The following UBR4 variants were observed in gnomAD, a reference collection of about 807,000 sequenced individuals.
UBR4 encodes the protein E3 ubiquitin-protein ligase UBR4.
In UBR4, 124 loss-of-function variants were observed where a neutral mutation model predicts 575.6. That is an observed-to-expected ratio of 0.22 (90% CI 0.19 to 0.25). The LOEUF is 0.25. UBR4 is among the 10% of genes least tolerant of loss of function. UBR4 has a pLI of 1.00. For synonymous variants in UBR4, 2,455 were observed against 2,473.7 expected (o/e 0.99, Z 0.22); for missense variants, 4,818 against 6,478.8 (o/e 0.74, Z 8.80).
chr1:19,135,851 G>C (rs549356775), intron 60 of UBR4, among the ~76,000 whole-genome samples: 1 of 152,210 alleles, frequency 6.6e-6, no homozygotes, highest in East Asian at 1.9e-4. Flanking sequence ...ACACATCCAA[G>C]AGTCCCAAAG....
chr1:19,168,710 G>GC (rs1054914693), intron 27 of UBR4, among the ~76,000 whole-genome samples: 41 of 152,314 alleles, frequency 2.7e-4, no homozygotes, highest in Admixed American at 2.0e-3. Flanking sequence ...GGGCATGGTG[G>GC]CTCACGCCTG....
chr1:19,104,248 G>C lies in UBR4; in HGVS notation c.12737C>G (p.Ser4246Cys). 1.2e-6 allele frequency: 2 copies of C among 1,614,238 alleles called. No homozygotes were observed. Among genetic ancestry groups the C allele is most frequent in the South Asian group, 2.2e-5 (2 of 91,076 alleles). The change falls in exon 87 of 106, where the codon TCC becomes TGC. Residue 4246 changes from serine (S) to cysteine (C), a missense_variant. Around this residue, in one of 29 missense-constraint regions of UBR4, gnomAD observed 105 missense variants for 232.8 expected, o/e 0.45. Coordinates refer to ENST00000375254, the MANE Select transcript of UBR4 (RefSeq NM_020765.3). ...YALKSLTGLL[S>C]SFVEVESIKR... ...GATGGATTCCACCTCAACAAAGGAGGAGAGAAGGCCTGTGGAGACAGGAAA... is the reference window on the plus strand; with the variant it reads ...GATGGATTCCACCTCAACAAAGGAGCAGAGAAGGCCTGTGGAGACAGGAAA...
At chr1:19,204,432 A>T (rs2092903978) in intron 1 of UBR4, among the ~76,000 whole-genome samples, 1 of 151,952 alleles carries the variant, frequency 6.6e-6, no homozygotes, top group African/African-American at 2.4e-5. Context: ...CACTTTTTCC[A>T]GCTGAACAGG....
intron 25 of UBR4, among the ~76,000 whole-genome samples, chr1:19,171,173 T>A (rs770295983): frequency 1.3e-5 from 2 of 152,054 alleles, no homozygotes; most frequent in Non-Finnish European, 1.5e-5. Context: ...TGACAATGTA[T>A]ACAGTAAAGG....
chr1:19,081,630 A>G, intron 102 of UBR4, 57 bp from the exon 103 acceptor site: 1 of 1,586,568 alleles, frequency 6.3e-7, no homozygotes, highest in South Asian at 1.1e-5. Flanking sequence ...ACCCGGCAGC[A>G]AGAGCAGGAA....
intron 104 of UBR4, 78 bp from the exon 105 acceptor site, chr1:19,076,980 T>C: frequency 6.8e-7 from 1 of 1,463,784 alleles, no homozygotes; most frequent in African/African-American, 1.4e-5. Flanking sequence ...AGTCAGGCCA[T>C]TTCAACCCCT....
chr1:19,114,736 C>A, intron 75 of UBR4, 75 bp downstream of exon 75: 6 of 1,572,492 alleles, frequency 3.8e-6, no homozygotes, highest in Non-Finnish European at 5.2e-6. Context: ...AAGTAAAGTG[C>A]ACTGCACTGC....
chr1:19,176,556 G>A, intron 20 of UBR4, 36 bp downstream of exon 20: 1 of 1,604,046 alleles, frequency 6.2e-7, no homozygotes, highest in South Asian at 1.1e-5. Flanking sequence ...ATGAGAATCA[G>A]TAAGTCAGTT....
chr1:19,137,312 A>C (rs545191116), intron 60 of UBR4, among the ~76,000 whole-genome samples: 22 of 152,190 alleles, frequency 1.4e-4, no homozygotes, highest in Admixed American at 1.2e-3. Flanking sequence ...AAAAAAAAAA[A>C]AATTCTGACT....
chr1:19,196,757 C>G (rs1217565637), intron 8 of UBR4, among the ~76,000 whole-genome samples: 1 of 152,174 alleles, frequency 6.6e-6, no homozygotes, highest in Non-Finnish European at 1.5e-5. Flanking sequence ...ACTTCTATTG[C>G]CTTTAATACT....
chr1:19,147,949 T>A (rs2085098826), intron 51 of UBR4, 44 bp downstream of exon 51: 1 of 1,590,826 alleles, frequency 6.3e-7, no homozygotes. Flanking sequence ...CTTATTTGAT[T>A]CCCTGTCAGC....
chr1:19,114,269 A>AT (rs1480228079), intron 75 of UBR4, among the ~76,000 whole-genome samples, 199 bp from the exon 76 acceptor site: 1 of 152,256 alleles, frequency 6.6e-6, no homozygotes, highest in Non-Finnish European at 1.5e-5. Flanking sequence ...CACATCTGTG[A>AT]TATATAATAA....
intron 30 of UBR4, 107 bp downstream of exon 30, chr1:19,165,549 A>G (rs2088198699): frequency 3.2e-6 from 4 of 1,255,528 alleles, no homozygotes. Context: ...ACACCTAACC[A>G]GGCCTTAAAT....
Position 19,186,705 on chromosome 1 carries a change from T to C in UBR4, c.1633-48A>G, listed in dbSNP as rs769774402. The C allele has an allele frequency of 3.8e-6, 6 of 1,564,850 alleles. No homozygotes were observed. In the South Asian group the frequency reaches 6.7e-5, roughly 18 times the overall value. Reference sequence around the variant, plus strand: ...ACCGGAGCCATCCTATTTAATCTCATGCATCGCATGAAAACTTTCTCCATA... The same window carrying C: ...ACCGGAGCCATCCTATTTAATCTCACGCATCGCATGAAAACTTTCTCCATA... On this transcript the variant is annotated intron_variant, in intron 13 of 105. Transcript: ENST00000375254.
chr1:19,127,552 G>A (rs541660943), intron 63 of UBR4, 71 bp downstream of exon 63: 8 of 1,187,184 alleles, frequency 6.7e-6, no homozygotes, highest in South Asian at 4.9e-5. Context: ...TACCACCTCT[G>A]TGCTGGCCCT....
chr1:19,139,228 A>G lies in UBR4; in HGVS notation c.8594-8T>C. On this transcript the variant is annotated splice_region_variant and splice_polypyrimidine_tract_variant and intron_variant, in intron 58 of 105. Coordinates refer to ENST00000375254, the MANE Select transcript of UBR4 (RefSeq NM_020765.3). The surrounding 1 kb of genome is among the most constrained non-coding windows in gnomAD (Gnocchi z 4.2). ...CGTCGTCTGAGGCTGGAGCTGAGAGAGTAACGAGAGCTGTTACAGGTTAAA... is the reference window on the plus strand; with the variant it reads ...CGTCGTCTGAGGCTGGAGCTGAGAGGGTAACGAGAGCTGTTACAGGTTAAA... The G allele has an allele frequency of 6.3e-7, 1 of 1,598,848 alleles. No homozygotes were observed. The highest frequency in any genetic ancestry group is 8.5e-7 in the Non-Finnish European group (1 of 1,172,380).
In UBR4 at chr1:19,086,169, G is replaced by C; in HGVS notation, c.14789C>G (p.Ser4930Ter). The C allele has an allele frequency of 6.2e-7, 1 of 1,614,014 alleles. No homozygotes were observed. Among genetic ancestry groups the C allele is most frequent in the Non-Finnish European group, 8.5e-7 (1 of 1,180,016 alleles). The change falls in exon 101 of 106, where the codon TCA becomes TGA. Residue 4930 changes from serine (S) to a stop codon, truncating the protein, a stop_gained. Transcript: ENST00000375254. LOFTEE classifies it high-confidence loss of function. The part of the protein sequence containing the change: ...LPVWGPHVPE[S>*]AFATCLARHN... Reference sequence around the variant, plus strand: ...CCTTGCCAAGCAAGTGGCAAAAGCTGATTCAGGGACATGAGGTCCCCAGAC... The same window carrying C: ...CCTTGCCAAGCAAGTGGCAAAAGCTCATTCAGGGACATGAGGTCCCCAGAC...
intron 78 of UBR4, chr1:19,111,781 T>G (rs2079911140): frequency 6.6e-6 from 1 of 151,816 alleles, no homozygotes; most frequent in South Asian, 2.1e-4. Context: ...CCACTACACC[T>G]GTCTAATTTT....
chr1:19,192,140 G>A (rs760188968), intron 11 of UBR4, 48 bp downstream of exon 11: 2 of 1,578,478 alleles, frequency 1.3e-6, no homozygotes, highest in African/African-American at 1.4e-5. Flanking sequence ...AATATAAAAT[G>A]TTAGCGAAAT....
Sources: gnomAD v4.1 joint callset for allele counts (sites outside exome capture counted in the v4.1 genomes callset) on GRCh38, gnomAD v4.1.1 for gene constraint, gnomAD v4.1.1 regional missense constraint, Gnocchi (gnomAD v3.1) non-coding constraint, MANE v1.5 for transcripts, NCBI Gene and HGNC (gene_info 2026-07-23, HGNC 2026-07-21) for gene names.